Variants in DIAPH2 observed in about 807,000 individuals in gnomAD.
DIAPH2 encodes the protein diaphanous related formin 2.
In DIAPH2, 35 loss-of-function variants were observed where a neutral mutation model predicts 92.7. The observed-to-expected ratio is 0.38, with a 90% CI of 0.29 to 0.50. The LOEUF (loss-of-function observed/expected upper bound fraction) is 0.50. Ranked by LOEUF, DIAPH2 falls within the 20% of genes least tolerant of loss-of-function variation. DIAPH2 has a pLI of 0.94. For missense variants in DIAPH2, 701 were observed against 819.5 expected (o/e 0.86, Z 1.77); for synonymous variants, 301 against 280.4 (o/e 1.07, Z -0.73).
intron 4 of DIAPH2, among the ~76,000 whole-genome samples, chrX:96,833,733 T>C (rs1213937087): frequency 1.8e-5 from 2 of 110,869 alleles, no homozygotes; most frequent in East Asian, 2.8e-4. Flanking sequence ...CAATCTCGGC[T>C]CACGGTAACC....
At chrX:97,404,917 G>C (rs1256496592) in intron 25 of DIAPH2, among the ~76,000 whole-genome samples, 6 of 111,677 alleles carry the variant, frequency 5.4e-5, no homozygotes, top group African/African-American at 1.9e-4. Flanking sequence ...CAGATATATC[G>C]ATATTCTAGA....
chrX:97,351,457 G>A (rs1331424842), intron 24 of DIAPH2, among the ~76,000 whole-genome samples: 2 of 111,839 alleles, frequency 1.8e-5, no homozygotes, highest in Non-Finnish European at 3.8e-5. Context: ...GTTAAGGTGC[G>A]ATAATAACAT....
intron 25 of DIAPH2, among the ~76,000 whole-genome samples, chrX:97,399,857 A>T (rs1238918846): frequency 8.9e-6 from 1 of 112,616 alleles, no homozygotes; most frequent in Non-Finnish European, 1.9e-5. Context: ...ATGCTATAAT[A>T]TACCTCTCAT....
intron 23 of DIAPH2, among the ~76,000 whole-genome samples, chrX:97,340,117 A>G (rs772535503): frequency 9.0e-6 from 1 of 111,280 alleles, no homozygotes; most frequent in South Asian, 3.8e-4. Flanking sequence ...AGTTGTTGTC[A>G]CTCTCTCCTG....
intron 17 of DIAPH2, among the ~76,000 whole-genome samples, chrX:97,071,048 G>A (rs1451602774): frequency 9.0e-6 from 1 of 110,973 alleles, no homozygotes; most frequent in African/African-American, 3.3e-5. Flanking sequence ...GAATTTTAAG[G>A]CATATTGAGA....
intron 1 of DIAPH2, among the ~76,000 whole-genome samples, chrX:96,691,930 G>A (rs1602429143): frequency 9.0e-6 from 1 of 111,649 alleles, no homozygotes; most frequent in Non-Finnish European, 1.9e-5. Context: ...GAGATTTTGG[G>A]TACAATCCTT....
chrX:96,819,908 C>A (rs2064766293), intron 4 of DIAPH2, among the ~76,000 whole-genome samples: 1 of 112,047 alleles, frequency 8.9e-6, no homozygotes, highest in Non-Finnish European at 1.9e-5. Flanking sequence ...CCTCAAGGAA[C>A]TGACATTTTA....
chrX:97,183,229 C>A (rs1156990416), intron 22 of DIAPH2, among the ~76,000 whole-genome samples: 1 of 111,526 alleles, frequency 9.0e-6, no homozygotes, highest in African/African-American at 3.3e-5. Context: ...AAATATCTAT[C>A]CTCATCTTCC....
chrX:96,871,394 T>C (rs965001697), intron 4 of DIAPH2, among the ~76,000 whole-genome samples: 54 of 94,892 alleles, frequency 5.7e-4, no homozygotes, highest in African/African-American at 2.2e-3. Flanking sequence ...GGTGTGAACC[T>C]GGTAGGCGGA....
intron 26 of DIAPH2, among the ~76,000 whole-genome samples, chrX:97,587,200 TC>T (rs746078938): frequency 9.1e-6 from 1 of 110,209 alleles, no homozygotes; most frequent in African/African-American, 3.3e-5. Context: ...GCAAGGCTCC[TC>T]CTCTTTCGAG....
chrX:97,360,915 G>A (rs1382059954), intron 24 of DIAPH2, among the ~76,000 whole-genome samples: 1 of 110,802 alleles, frequency 9.0e-6, no homozygotes, highest in African/African-American at 3.3e-5. Context: ...TGTTGCCCAG[G>A]CTGGAGTACA....
intron 1 of DIAPH2, among the ~76,000 whole-genome samples, chrX:96,724,030 T>A (rs1470865820): frequency 1.9e-5 from 2 of 106,384 alleles, no homozygotes; most frequent in African/African-American, 6.9e-5. Flanking sequence ...TTTAAGTGAT[T>A]CTCCTGCCTC....
At chrX:97,115,028 C>T in intron 21 of DIAPH2, 63 bp downstream of exon 21, 3 of 1,027,868 alleles carry the variant, frequency 2.9e-6, no homozygotes, top group Non-Finnish European at 3.9e-6. Flanking sequence ...AAAGGTGATA[C>T]TGCAAATAGC....
intron 22 of DIAPH2, among the ~76,000 whole-genome samples, chrX:97,161,591 A>C (rs1226426347): frequency 1.8e-5 from 2 of 110,975 alleles, no homozygotes; most frequent in Non-Finnish European, 3.8e-5. Context: ...TTGGTGGAGA[A>C]GGGGGTTTCG....
chrX:97,107,807 C>G (rs909256189), intron 20 of DIAPH2, among the ~76,000 whole-genome samples: 2 of 111,758 alleles, frequency 1.8e-5, no homozygotes, highest in Admixed American at 1.9e-4. Flanking sequence ...TCTGTTAATT[C>G]TAATGAATTC....
chrX:96,912,201 G>A, intron 5 of DIAPH2, 127 bp from the exon 6 acceptor site: 1 of 572,346 alleles, frequency 1.7e-6, no homozygotes, highest in Non-Finnish European at 2.8e-6. Flanking sequence ...AGTGGGAATT[G>A]AAAAAATAAT....
intron 26 of DIAPH2, among the ~76,000 whole-genome samples, chrX:97,530,032 T>A (rs780252164): frequency 2.7e-5 from 3 of 112,092 alleles, no homozygotes; most frequent in Non-Finnish European, 5.6e-5. Flanking sequence ...ATATTTCCTT[T>A]TGGGGCATTT....
At chrX:96,933,010 C>T (rs1276296659) in intron 10 of DIAPH2, among the ~76,000 whole-genome samples, 1 of 111,551 alleles carries the variant, frequency 9.0e-6, no homozygotes, top group African/African-American at 3.3e-5. Context: ...CTTCAGTATG[C>T]CCTGCTTCTC....
intron 4 of DIAPH2, among the ~76,000 whole-genome samples, chrX:96,856,599 G>T (rs1300402021): frequency 1.8e-5 from 2 of 108,771 alleles, no homozygotes; most frequent in African/African-American, 6.7e-5. Context: ...AAAAAAAGTT[G>T]TTCAGAGATA....
Sources: gnomAD v4.1 joint callset for allele counts (sites outside exome capture counted in the v4.1 genomes callset) on GRCh38, gnomAD v4.1.1 for gene constraint, MANE v1.5 for transcripts, NCBI Gene and HGNC (gene_info 2026-07-23, HGNC 2026-07-21) for gene names.